ELF2: variants seen among roughly 807,000 people sequenced by gnomAD.
ELF2 encodes E74 like ETS transcription factor 2, also known as ETS-related transcription factor Elf-2.
ELF2 carries 11 observed loss-of-function variants against 54.8 expected under a neutral mutation model. That is an observed-to-expected ratio of 0.20 (90% CI 0.13 to 0.33). ELF2 has a LOEUF of 0.33. Among genes scored for constraint, ELF2 ranks in the 10% least tolerant of loss-of-function variants. The pLI is 1.00. For missense variants in ELF2, 513 were observed against 703.0 expected, an observed-to-expected ratio of 0.73 and a Z score of 3.06; for synonymous variants, 203 against 245.1, an observed-to-expected ratio of 0.83 and a Z score of 1.61.
chr4:139,131,509 A>T lies in ELF2; in HGVS notation c.72+6121T>A, dbSNP rs182762604. ...CAGTGGTATTGTAATCCTTTTCTCAATGTACTTTAGGAATATATAGAAAGA... is the reference window on the plus strand; with the variant it reads ...CAGTGGTATTGTAATCCTTTTCTCATTGTACTTTAGGAATATATAGAAAGA... On this transcript the variant is annotated intron_variant, in intron 3 of 9. Transcript: ENST00000686138. Among the ~76,000 whole-genome samples the T allele has an allele frequency of 1.7e-3, 253 of 152,356 alleles. 1 individual carries two copies. The highest frequency in any genetic ancestry group is 2.8e-3 in the Non-Finnish European group (191 of 68,024).
intron 7 of ELF2, chr4:139,066,685 G>A (rs576978073): frequency 4.6e-5 from 7 of 150,842 alleles, no homozygotes; most frequent in South Asian, 4.2e-4. Flanking sequence ...CTAGGAATTC[G>A]AGATCCGCCT....
intron 1 of ELF2, among the ~76,000 whole-genome samples, chr4:139,141,534 T>C (rs1425516417): frequency 3.9e-5 from 6 of 152,192 alleles, no homozygotes; most frequent in Non-Finnish European, 5.9e-5. Flanking sequence ...AGAAGACAGT[T>C]GTGAAGGGAC....
intron 1 of ELF2, among the ~76,000 whole-genome samples, chr4:139,151,068 G>GAAAGAAAGAAAGA (rs1553971373): frequency 8.2e-5 from 11 of 134,466 alleles, no homozygotes; most frequent in African/African-American, 3.3e-4. Flanking sequence ...AAGAAAGAAA[G>GAAAGAAAGAAAGA]AAAGAAAGAA....
intron 1 of ELF2, among the ~76,000 whole-genome samples, chr4:139,151,015 CTCCATCTCAAAAAA>C (rs1310614538): frequency 1.5e-4 from 14 of 93,380 alleles, no homozygotes; most frequent in African/African-American, 7.6e-4. Context: ...CGGAACGAGG[CTCCATCTCAAAAAA>C]AAAAAAGAAA....
chr4:139,128,685 C>T lies in ELF2; in HGVS notation c.73-3356G>A, dbSNP rs565317058. 5.3e-5 allele frequency among the ~76,000 whole-genome samples: 8 copies of T among 151,856 alleles called. No individual in the cohort carries two copies. The South Asian group carries it at 1.7e-3, about 32-fold the overall frequency. On this transcript the variant is annotated intron_variant, in intron 3 of 9. Transcript: ENST00000686138. ...TACAGGCATGTGCCACCACTCCCAG[C>T]TAATTTGTGTATTTTTGGTAGAGAC...
At chr4:139,169,397 C>A (rs1441697547) in intron 1 of ELF2, among the ~76,000 whole-genome samples, 1 of 150,564 alleles carries the variant, frequency 6.6e-6, no homozygotes, top group African/African-American at 2.4e-5. Context: ...AAGGCCACAA[C>A]CCTGCACAAA....
At chr4:139,080,515 G>C (rs889076510) in intron 4 of ELF2, among the ~76,000 whole-genome samples, 2 of 151,596 alleles carry the variant, frequency 1.3e-5, no homozygotes, top group East Asian at 1.9e-4. Flanking sequence ...AAATATTTAG[G>C]CTAAATTTCC....
chr4:139,167,828 C>A (rs1741873896), intron 1 of ELF2, among the ~76,000 whole-genome samples: 1 of 152,194 alleles, frequency 6.6e-6, no homozygotes, highest in South Asian at 2.1e-4. Context: ...AAACTGCAAA[C>A]CAGGATGAGA....
At chr4:139,157,700 A>C (rs1740686515) in intron 1 of ELF2, among the ~76,000 whole-genome samples, 5 of 152,190 alleles carry the variant, frequency 3.3e-5, no homozygotes, top group Admixed American at 3.3e-4. Flanking sequence ...CACAGTACCC[A>C]GGGCTTTGGA....
intron 4 of ELF2, among the ~76,000 whole-genome samples, chr4:139,078,483 T>C (rs1470511587): frequency 6.6e-6 from 1 of 151,806 alleles, no homozygotes; most frequent in Non-Finnish European, 1.5e-5. Flanking sequence ...TAATTAAAGG[T>C]CTGGAATACT....
chr4:139,165,823 T>C (rs1477254412), intron 1 of ELF2, among the ~76,000 whole-genome samples: 1 of 152,354 alleles, frequency 6.6e-6, no homozygotes, highest in South Asian at 2.1e-4. Flanking sequence ...TAAGTGATTC[T>C]AGATCTTCTT....
chr4:139,123,610 C>T (rs1291827378), intron 4 of ELF2, among the ~76,000 whole-genome samples: 1 of 152,172 alleles, frequency 6.6e-6, no homozygotes, highest in Non-Finnish European at 1.5e-5. Flanking sequence ...TGATAAACAT[C>T]CTAATTTACT....
At chr4:139,162,526 G>A (rs546544653) in intron 1 of ELF2, among the ~76,000 whole-genome samples, 39 of 152,176 alleles carry the variant, frequency 2.6e-4, no homozygotes, top group African/African-American at 8.7e-4. Flanking sequence ...GCAAGACTCC[G>A]TCTCAGAAAT....
At chr4:139,148,188 AT>A (rs1381378222) in intron 1 of ELF2, among the ~76,000 whole-genome samples, 1 of 150,468 alleles carries the variant, frequency 6.6e-6, no homozygotes, top group African/African-American at 2.4e-5. Context: ...ATAATATGTG[AT>A]TTTTTTGGGG....
At chr4:139,119,631 A>C (rs1451241703) in intron 4 of ELF2, among the ~76,000 whole-genome samples, 1 of 152,228 alleles carries the variant, frequency 6.6e-6, no homozygotes, top group African/African-American at 2.4e-5. Context: ...GGTCTGCAGT[A>C]CTGCCCTGTC....
At chr4:139,114,561 T>TCCAGTCACACACACACACACACACA (rs70940492) in intron 4 of ELF2, among the ~76,000 whole-genome samples, 20 of 108,636 alleles carry the variant, frequency 1.8e-4, no homozygotes, top group African/African-American at 3.6e-4. Flanking sequence ...GACTTCAGTC[T>TCCAGTCACACACACACACACACACA]CACACACACA....
intron 4 of ELF2, chr4:139,100,302 ATTATTG>A (rs1299961420): frequency 1.3e-5 from 2 of 151,904 alleles, no homozygotes; most frequent in Non-Finnish European, 2.9e-5. Context: ...GGGGGTTGCT[ATTATTG>A]TTATTGTTTC....
chr4:139,072,544 A>T (rs903966591), intron 5 of ELF2, among the ~76,000 whole-genome samples: 6 of 152,234 alleles, frequency 3.9e-5, no homozygotes, highest in Non-Finnish European at 7.4e-5. Context: ...AAACTTGCTC[A>T]TTACAGACAA....
intron 4 of ELF2, among the ~76,000 whole-genome samples, chr4:139,101,347 G>A (rs1056854910): frequency 5.9e-5 from 9 of 152,062 alleles, no homozygotes; most frequent in Non-Finnish European, 1.2e-4. Context: ...CCCCACTAAT[G>A]GTCTCAGATC....
Sources: gnomAD v4.1 joint callset for allele counts (sites outside exome capture counted in the v4.1 genomes callset) on GRCh38, gnomAD v4.1.1 for gene constraint, MANE v1.5 for transcripts, NCBI Gene and HGNC (gene_info 2026-07-23, HGNC 2026-07-21) for gene names.